MAPK14: variants seen among roughly 807,000 people sequenced by gnomAD.
MAPK14 encodes the protein mitogen-activated protein kinase 14.
MAPK14 carries 16 observed loss-of-function variants against 49.6 expected under a neutral mutation model. The ratio of observed to expected loss-of-function variants is 0.32; its 90% CI spans 0.22 to 0.49. The LOEUF (loss-of-function observed/expected upper bound fraction) is 0.49, where lower values mean the gene tolerates loss of function less well. Among genes scored for constraint, MAPK14 ranks in the 20% least tolerant of loss-of-function variants. The probability of loss-of-function intolerance (pLI) is 0.99; values close to 1 mark genes in which losing one functional copy is unlikely to be tolerated. For missense variants in MAPK14, 200 were observed against 441.2 expected (o/e 0.45, Z 4.90); for synonymous variants, 142 against 158.0 (o/e 0.90, Z 0.76).
intron 8 of MAPK14, among the ~76,000 whole-genome samples, chr6:36,085,325 C>A (rs997502424): frequency 6.6e-6 from 1 of 152,170 alleles, no homozygotes; most frequent in African/African-American, 2.4e-5. Context: ...AAAATATTAA[C>A]CTTAAATGTA....
At chr6:36,104,293 A>G (rs1041562373) in intron 10 of MAPK14, among the ~76,000 whole-genome samples, 1 of 151,888 alleles carries the variant, frequency 6.6e-6, no homozygotes, top group Non-Finnish European at 1.5e-5. Flanking sequence ...GCTTTGTGTG[A>G]TTTATTTGAG....
intron 2 of MAPK14, among the ~76,000 whole-genome samples, chr6:36,053,298 C>T (rs1763473094): frequency 1.3e-5 from 2 of 150,140 alleles, no homozygotes; most frequent in African/African-American, 2.4e-5. Flanking sequence ...GCCTTAGGCT[C>T]ACTGAAAGTC....
At position 36,028,319 on chromosome 6, in the gene MAPK14, C is replaced by A; in HGVS notation, c.116+46C>A. 7.1e-7 allele frequency: 1 copy of A among 1,401,014 alleles called. No individual in the cohort carries two copies. The highest frequency in any genetic ancestry group is 1.0e-6 in the Non-Finnish European group (1 of 988,924). The allele number at this position is 1,401,014 out of a possible 1,614,324, so 86.8% of individuals were successfully genotyped here. A position where few individuals can be genotyped will look rare whatever the true frequency, so the allele number is the denominator to read the frequency against. On this transcript the variant is annotated intron_variant, in intron 1 of 11. Transcript: ENST00000229794. This position sits in a 1 kb window ranked among gnomAD's most constrained non-coding sequence, Gnocchi z 5.1. Reference sequence around the variant, plus strand: ...GGCCGCTGTGGGCAGGGTGGCCCCTCGCGCCCGAGGGCCAGGCCTGCTCCA... The same window carrying A: ...GGCCGCTGTGGGCAGGGTGGCCCCTAGCGCCCGAGGGCCAGGCCTGCTCCA...
intron 1 of MAPK14, among the ~76,000 whole-genome samples, chr6:36,046,132 G>T (rs961384699): frequency 2.6e-5 from 4 of 152,146 alleles, no homozygotes; most frequent in African/African-American, 9.7e-5. Flanking sequence ...TTATGTACTG[G>T]ATTCACGGTC....
intron 8 of MAPK14, among the ~76,000 whole-genome samples, chr6:36,089,082 C>G (rs1310645044): frequency 6.6e-6 from 1 of 152,130 alleles, no homozygotes; most frequent in African/African-American, 2.4e-5. Context: ...ATAAATCATT[C>G]TGTTACAAAG....
intron 3 of MAPK14, among the ~76,000 whole-genome samples, chr6:36,059,994 T>G (rs997548907): frequency 6.6e-6 from 1 of 152,212 alleles, no homozygotes; most frequent in Non-Finnish European, 1.5e-5. Flanking sequence ...GAGAAAGGCT[T>G]CTTCTCTCAG....
chr6:36,091,306 C>T (rs191093466), intron 8 of MAPK14, among the ~76,000 whole-genome samples: 2 of 151,676 alleles, frequency 1.3e-5, no homozygotes, highest in East Asian at 3.9e-4. Context: ...AAGATGACTT[C>T]GTCTAAAGAG....
rs73407832 is a variant in MAPK14, at chr6:36,032,667, C to G, written c.116+4394C>G. ...GTGTTTATTGAATACCTACCATGGG[C>G]CAGATAGCTAGGTTCTGGAAATAGA... On this transcript the variant is annotated intron_variant, in intron 1 of 11. Coordinates refer to ENST00000229794, the MANE Select transcript of MAPK14 (RefSeq NM_139012.3). Among the ~76,000 whole-genome samples the G allele has an allele frequency of 3.9e-3, 600 of 152,276 alleles. 4 individuals are homozygous for G. Among genetic ancestry groups the G allele is most frequent in the African/African-American group, 0.014 (565 of 41,554 alleles).
At chr6:36,080,119 G>A (rs1764693248) in intron 8 of MAPK14, among the ~76,000 whole-genome samples, 1 of 152,010 alleles carries the variant, frequency 6.6e-6, no homozygotes, top group South Asian at 2.1e-4. Context: ...TGTATTTTTA[G>A]TAGAGACAGG....
chr6:36,074,761 G>A (rs979348645), intron 6 of MAPK14, among the ~76,000 whole-genome samples: 2 of 151,756 alleles, frequency 1.3e-5, no homozygotes, highest in African/African-American at 4.8e-5. Context: ...GACTACAGGT[G>A]CACGCCATCA....
intron 1 of MAPK14, among the ~76,000 whole-genome samples, chr6:36,043,092 C>G (rs1279449355): frequency 6.6e-6 from 1 of 151,632 alleles, no homozygotes; most frequent in Non-Finnish European, 1.5e-5. Context: ...CCACCACACT[C>G]TAGCCTGGGC....
At chr6:36,101,520 C>T (rs994417009) in intron 9 of MAPK14, among the ~76,000 whole-genome samples, 1 of 151,668 alleles carries the variant, frequency 6.6e-6, no homozygotes, top group African/African-American at 2.4e-5. Flanking sequence ...GATCTTAACT[C>T]TGTCACCCCA....
chr6:36,043,572 T>G (rs532178134), intron 1 of MAPK14, among the ~76,000 whole-genome samples: 1 of 152,276 alleles, frequency 6.6e-6, no homozygotes, highest in East Asian at 1.9e-4. Context: ...CAGAAAAATA[T>G]TTCCAGTATG....
At chr6:36,092,337 G>A (rs970301233) in intron 8 of MAPK14, 10 of 629,438 alleles carry the variant, frequency 1.6e-5, no homozygotes, top group Non-Finnish European at 3.0e-6. Context: ...CTGCTCCTGG[G>A]GTTTCACCAT....
At chr6:36,092,708 A>T in intron 8 of MAPK14, 3 of 296,284 alleles carry the variant, frequency 1.0e-5, no homozygotes, top group South Asian at 3.2e-5. Flanking sequence ...TGTAGGGGTG[A>T]CAAAGGGAAG....
intron 1 of MAPK14, among the ~76,000 whole-genome samples, chr6:36,033,029 G>A (rs1208301831): frequency 6.6e-6 from 1 of 150,382 alleles, no homozygotes; most frequent in Non-Finnish European, 1.5e-5. Context: ...AGAAATAAAA[G>A]TGCATGATTA....
chr6:36,073,125 G>A (rs2127441898), intron 4 of MAPK14, 141 bp downstream of exon 4: 1 of 656,194 alleles, frequency 1.5e-6, no homozygotes, highest in East Asian at 2.8e-5. Context: ...ATATAGTACA[G>A]TAAACTGCCA....
intron 8 of MAPK14, among the ~76,000 whole-genome samples, chr6:36,090,565 G>A (rs1403276158): frequency 2.8e-5 from 4 of 144,090 alleles, no homozygotes; most frequent in South Asian, 2.2e-4. Context: ...TCGCTCTGTC[G>A]CCCAGGCTGG....
At chr6:36,124,189 G>A in the MAPK14 span, among the ~76,000 whole-genome samples, 13 of 81,424 alleles carry the variant, frequency 1.6e-4, no homozygotes, top group South Asian at 2.5e-3. Context: ...CCTTCCTTTC[G>A]TTCTTTTTGA....
Sources: allele counts gnomAD v4.1 joint callset (sites outside exome capture counted in the v4.1 genomes callset), GRCh38; gene constraint gnomAD v4.1.1; non-coding constraint Gnocchi (gnomAD v3.1); transcripts MANE v1.5; gene names NCBI Gene and HGNC (gene_info 2026-07-23, HGNC 2026-07-21).